SULF1: variants seen among roughly 807,000 people sequenced by gnomAD.
The protein encoded by SULF1 is sulfatase 1, also known as extracellular sulfatase Sulf-1.
In SULF1, 46 loss-of-function variants were observed where a neutral mutation model predicts 110.5. The ratio of observed to expected loss-of-function variants is 0.42; its 90% CI spans 0.33 to 0.53. The LOEUF (loss-of-function observed/expected upper bound fraction) is 0.53. Ranked by LOEUF, SULF1 falls within the 20% of genes least tolerant of loss-of-function variation. SULF1 has a pLI of 0.12. For missense variants in SULF1, 941 were observed against 1,094.2 expected (o/e 0.86, Z 1.98); for synonymous variants, 371 against 387.1 (o/e 0.96, Z 0.49).
Position 69,564,057 on chromosome 8 carries a change from C to A in SULF1, c.82C>A (p.Pro28Thr). The change falls in exon 5 of 23, where the codon CCG becomes ACG. Residue 28 changes from proline to threonine, a missense_variant. Around this residue, in one of 3 missense-constraint regions of SULF1, gnomAD observed 822 missense variants for 934.3 expected, o/e 0.88. Coordinates refer to ENST00000402687, the MANE Select transcript of SULF1 (RefSeq NM_001128205.2). ...LGSLCSTVRS[P>T]RFRGRIQQER... ...AAGCCTCTGTTCGACTGTCAGATCC[C>A]CGAGGTTCAGAGGACGGATACAGCA... 1 of 1,614,140 alleles carries A rather than the reference C, an allele frequency of 6.2e-7. No individual in the cohort carries two copies. Among genetic ancestry groups the A allele is most frequent in the East Asian group, 2.2e-5 (1 of 44,892 alleles).
intron 3 of SULF1, among the ~76,000 whole-genome samples, chr8:69,515,117 T>A (rs928019862): frequency 6.6e-6 from 1 of 152,194 alleles, no homozygotes; most frequent in African/African-American, 2.4e-5. Context: ...GGGAACTTTG[T>A]GTGGGGACTC....
intron 3 of SULF1, among the ~76,000 whole-genome samples, chr8:69,518,402 G>A (rs1455974747): frequency 1.3e-5 from 2 of 152,100 alleles, no homozygotes; most frequent in Admixed American, 1.3e-4. Flanking sequence ...CTCCTGGTTA[G>A]GCATCACATT....
At chr8:69,655,810 T>C (rs765219525) in intron 22 of SULF1, among the ~76,000 whole-genome samples, 1 of 152,268 alleles carries the variant, frequency 6.6e-6, no homozygotes, top group Non-Finnish European at 1.5e-5. Flanking sequence ...AATGAGATTA[T>C]TCTCTTTGGT....
At chr8:69,629,431 C>CA in intron 18 of SULF1, 73 bp from the exon 19 acceptor site, 1 of 1,468,280 alleles carries the variant, frequency 6.8e-7, no homozygotes, top group Non-Finnish European at 9.2e-7. Flanking sequence ...GTGCAAGACT[C>CA]ACAGCAACAA....
chr8:69,492,061 C>T (rs1331273986), upstream of SULF1, among the ~76,000 whole-genome samples: 2 of 132,858 alleles, frequency 1.5e-5, no homozygotes, highest in Non-Finnish European at 3.2e-5. Flanking sequence ...GGCGGGAGGG[C>T]GGGATGGGAA....
rs1809585657 is a variant in SULF1, at chr8:69,621,282, G to T, written c.1594+31G>T. ...CCACGCTTTTGTGACCATCTCAATGGTGGCCTAGGCCTGTGGGAATAAACA... is the reference window on the plus strand; with the variant it reads ...CCACGCTTTTGTGACCATCTCAATGTTGGCCTAGGCCTGTGGGAATAAACA... On this transcript the variant is annotated intron_variant, in intron 14 of 22. Coordinates refer to ENST00000402687, the MANE Select transcript of SULF1 (RefSeq NM_001128205.2). The T allele has an allele frequency of 7.7e-6, 12 of 1,566,416 alleles. No homozygotes were observed. The East Asian group carries it at 2.2e-4, about 29-fold the overall frequency.
chr8:69,638,378 C>T, intron 19 of SULF1, 124 bp from the exon 20 acceptor site: 1 of 1,167,992 alleles, frequency 8.6e-7, no homozygotes, highest in South Asian at 1.5e-5. Context: ...CATGAAACCA[C>T]AATATTTATA....
chr8:69,578,238 C>T (rs1433033095), intron 6 of SULF1, among the ~76,000 whole-genome samples: 2 of 152,174 alleles, frequency 1.3e-5, no homozygotes, highest in Admixed American at 6.5e-5. Flanking sequence ...TTAACTAAAA[C>T]TCAAAGATGA....
intron 3 of SULF1, among the ~76,000 whole-genome samples, chr8:69,502,386 T>A (rs1246575466): frequency 6.6e-6 from 1 of 152,168 alleles, no homozygotes; most frequent in Non-Finnish European, 1.5e-5. Context: ...TCACAGCTCG[T>A]CTTCACAGTT....
chr8:69,490,163 C>T (rs543277629), upstream of SULF1, among the ~76,000 whole-genome samples: 215 of 145,352 alleles, frequency 1.5e-3, no homozygotes, highest in Non-Finnish European at 2.7e-3. Context: ...AATGCAGTGG[C>T]ACAATCTGGG....
At chr8:69,591,478 G>T (rs553094631) in intron 8 of SULF1, among the ~76,000 whole-genome samples, 1 of 151,932 alleles carries the variant, frequency 6.6e-6, no homozygotes, top group South Asian at 2.1e-4. Flanking sequence ...GCAGGAGAAT[G>T]GCATGAACCC....
At chr8:69,565,168 G>A (rs911551482) in intron 5 of SULF1, among the ~76,000 whole-genome samples, 3 of 151,992 alleles carry the variant, frequency 2.0e-5, no homozygotes, top group South Asian at 2.1e-4. Context: ...AAGCAAATGC[G>A]CTAAAAAGCC....
At chr8:69,510,622 T>TGG (rs1811490294) in intron 3 of SULF1, among the ~76,000 whole-genome samples, 1 of 9,052 alleles carries the variant, frequency 1.1e-4, no homozygotes, top group African/African-American at 2.9e-4. Context: ...TTTTTTTTGT[T>TGG]TTTTTTTTTT....
chr8:69,580,403 G>C (rs371214205), intron 6 of SULF1, among the ~76,000 whole-genome samples: 8 of 152,250 alleles, frequency 5.3e-5, no homozygotes, highest in African/African-American at 1.7e-4. Flanking sequence ...CCATGGTTGA[G>C]TGATAGCATT....
chr8:69,492,133 T>C (rs1236232539), upstream of SULF1, among the ~76,000 whole-genome samples: 1 of 151,988 alleles, frequency 6.6e-6, no homozygotes, highest in African/African-American at 2.4e-5. Flanking sequence ...GGAATTTCTT[T>C]GCGTGTTGGG....
intron 13 of SULF1, among the ~76,000 whole-genome samples, chr8:69,615,963 T>C (rs1407333168): frequency 6.6e-6 from 1 of 152,162 alleles, no homozygotes; most frequent in East Asian, 1.9e-4. Context: ...ACTATAGTCA[T>C]GTGCTTTAAA....
chr8:69,477,456 A>G (rs1411103908), intron 1 of SULF1, among the ~76,000 whole-genome samples: 1 of 152,202 alleles, frequency 6.6e-6, no homozygotes, highest in Non-Finnish European at 1.5e-5. Context: ...GAAGCTTAGA[A>G]TACTCCACTT....
intron 3 of SULF1, among the ~76,000 whole-genome samples, chr8:69,509,271 G>T (rs1811402814): frequency 6.6e-6 from 1 of 152,084 alleles, no homozygotes; most frequent in Non-Finnish European, 1.5e-5. Flanking sequence ...GTCTCTGCCT[G>T]CCAGTAAACT....
intron 3 of SULF1, among the ~76,000 whole-genome samples, chr8:69,552,181 T>C (rs1814771165): frequency 6.6e-6 from 1 of 152,244 alleles, no homozygotes; most frequent in Admixed American, 6.5e-5. Context: ...GATGAACCCC[T>C]ACTCCACGTT....
Sources: allele counts gnomAD v4.1 joint callset (sites outside exome capture counted in the v4.1 genomes callset), GRCh38; gene constraint gnomAD v4.1.1; regional missense constraint gnomAD v4.1.1; transcripts MANE v1.5; gene names NCBI Gene and HGNC (gene_info 2026-07-23, HGNC 2026-07-21).